The following FAM167A variants were observed in gnomAD, a reference collection of about 807,000 sequenced individuals.
FAM167A encodes the protein protein FAM167A.
Under a neutral mutation model 14.9 loss-of-function variants are expected in FAM167A, and 23 were observed. The observed-to-expected ratio is 1.55, with a 90% confidence interval of 1.11 to 2.19. FAM167A has a LOEUF of 2.19. Among genes scored for constraint, FAM167A ranks in the 30% most tolerant of loss-of-function variants. The pLI is 0.00. For missense variants in FAM167A, 401 were observed against 281.5 expected (o/e 1.42, Z -3.04); for synonymous variants, 174 against 117.7 (o/e 1.48, Z -3.10).
intron 1 of FAM167A, among the ~76,000 whole-genome samples, chr8:11,451,355 A>G (rs1210428740): frequency 6.6e-6 from 1 of 152,144 alleles, no homozygotes; most frequent in African/African-American, 2.4e-5. Flanking sequence ...CCCAGGTTAC[A>G]CAGCGTATAC....
intron 2 of FAM167A, among the ~76,000 whole-genome samples, chr8:11,427,340 A>G (rs1197870463): frequency 1.3e-5 from 2 of 152,244 alleles, no homozygotes; most frequent in East Asian, 3.8e-4. Flanking sequence ...GGCTTAGTGC[A>G]GAGCGCCTTC....
upstream of FAM167A, among the ~76,000 whole-genome samples, chr8:11,469,356 G>T (rs985537016): frequency 6.6e-6 from 1 of 152,210 alleles, no homozygotes; most frequent in Admixed American, 6.5e-5. Context: ...AGGGAAGATG[G>T]CACTGTGTTG....
chr8:11,463,772 G>A (rs574295300), intron 1 of FAM167A, among the ~76,000 whole-genome samples: 1 of 152,332 alleles, frequency 6.6e-6, no homozygotes, highest in African/African-American at 2.4e-5. Flanking sequence ...AGTGGGAGAA[G>A]GTGAACCCTC....
chr8:11,457,419 T>A (rs1807378629), intron 1 of FAM167A, among the ~76,000 whole-genome samples: 1 of 151,830 alleles, frequency 6.6e-6, no homozygotes, highest in South Asian at 2.1e-4. Context: ...TTGAACCTCA[T>A]CTCCACGCAA....
At chr8:11,443,595 C>G (rs966896108) in intron 2 of FAM167A, 1 of 178,778 alleles carries the variant, frequency 5.6e-6, no homozygotes, top group Non-Finnish European at 1.2e-5. Flanking sequence ...CCGGCCAGCG[C>G]CCAGCACAAG....
chr8:11,458,786 A>G (rs1012262500), intron 1 of FAM167A, among the ~76,000 whole-genome samples: 10 of 143,732 alleles, frequency 7.0e-5, no homozygotes, highest in South Asian at 2.1e-4. Context: ...GAACTAAGGG[A>G]AAAAAAAAAC....
chr8:11,451,773 G>A (rs1003084688), intron 1 of FAM167A, among the ~76,000 whole-genome samples: 2 of 152,202 alleles, frequency 1.3e-5, no homozygotes, highest in Non-Finnish European at 1.5e-5. Context: ...AGGCAAATGT[G>A]AAGTGCAGGG....
intron 1 of FAM167A, among the ~76,000 whole-genome samples, chr8:11,456,393 G>GAGTGTGAA (rs74208900): frequency 9.0e-3 from 7 of 782 alleles, no homozygotes; most frequent in Non-Finnish European, 5.3e-3. Context: ...CCTGGTGTGT[G>GAGTGTGAA]TGTGAGTGTG....
chr8:11,459,352 C>A (rs556691379), intron 1 of FAM167A, among the ~76,000 whole-genome samples: 5 of 152,328 alleles, frequency 3.3e-5, no homozygotes, highest in African/African-American at 1.2e-4. Context: ...CAGGTGGCTC[C>A]ATTTGCACAG....
At chr8:11,467,392 C>G (rs1807816684), upstream of FAM167A, 1 of 152,732 alleles carries the variant, frequency 6.5e-6, no homozygotes, top group East Asian at 1.9e-4. Flanking sequence ...CCCTAAGGCA[C>G]AGGCAGGACA....
At chr8:11,440,252 C>CG (rs568468710) in intron 2 of FAM167A, among the ~76,000 whole-genome samples, 1 of 152,198 alleles carries the variant, frequency 6.6e-6, no homozygotes, top group Non-Finnish European at 1.5e-5. Flanking sequence ...AGCTCCGCCC[C>CG]GGGGAGCCCA....
intron 2 of FAM167A, among the ~76,000 whole-genome samples, chr8:11,436,339 G>C (rs1806012396): frequency 6.6e-6 from 1 of 152,352 alleles, no homozygotes; most frequent in African/African-American, 2.4e-5. Context: ...TGGAGAGCAA[G>C]TGGGGGCCCT....
At chr8:11,434,722 T>C (rs1002349625) in intron 2 of FAM167A, 2 of 242,520 alleles carry the variant, frequency 8.2e-6, no homozygotes, top group African/African-American at 4.5e-5. Flanking sequence ...CACTAGGGGC[T>C]CTGGGTTCCA....
intron 1 of FAM167A, among the ~76,000 whole-genome samples, chr8:11,465,968 G>C (rs1326001503): frequency 6.6e-6 from 1 of 152,030 alleles, no homozygotes; most frequent in Non-Finnish European, 1.5e-5. Flanking sequence ...GCAGTAACGG[G>C]TGTGCAGAAA....
rs1804895661 is a variant in FAM167A at position 11,423,372 on chromosome 8, G to A, written c.*1001C>T. On this transcript the variant is annotated 3_prime_UTR_variant, in exon 3 of 3. Coordinates refer to ENST00000284486, the MANE Select transcript of FAM167A (RefSeq NM_053279.3). ...TTGGACAAAAATCAGTTACTAACAA[G>A]TGAACAACACATCAGTAACAGTCTT... 1 of 152,624 alleles carries A rather than the reference G, an allele frequency of 6.6e-6. No individual in the cohort carries two copies. Among genetic ancestry groups the A allele is most frequent in the South Asian group, 2.1e-4 (1 of 4,836 alleles). 9.5% of individuals were successfully genotyped at this position (152,624 alleles called of 1,614,324 possible).
chr8:11,447,856 A>G (rs4581006), intron 1 of FAM167A, among the ~76,000 whole-genome samples: 101,096 of 152,132 alleles, frequency 0.66, 33,767 homozygotes, highest in African/African-American at 0.72. Flanking sequence ...TACATAATTC[A>G]CAAGGCTCAG....
At chr8:11,435,916 C>T (rs960683657) in intron 2 of FAM167A, among the ~76,000 whole-genome samples, 4 of 152,256 alleles carry the variant, frequency 2.6e-5, no homozygotes, top group Non-Finnish European at 4.4e-5. Flanking sequence ...CATATCCCGT[C>T]TTCATACACA....
chr8:11,465,801 A>T lies in FAM167A; in HGVS notation c.-398+825T>A, dbSNP rs967816829. On this transcript the variant is annotated intron_variant, in intron 1 of 2. Coordinates refer to ENST00000284486, the MANE Select transcript of FAM167A (RefSeq NM_053279.3). ...TCTCATCTTCTGGGATTCTCCAGCA[A>T]TGACGGGGAGTTTGTGGAAACTTGA... Among the ~76,000 whole-genome samples, 8 of 152,202 alleles carry T rather than the reference A, an allele frequency of 5.3e-5. No individual in the cohort carries two copies. In the East Asian group the frequency reaches 1.5e-3, roughly 29 times the overall value.
chr8:11,442,808 G>A (rs1041748998), intron 2 of FAM167A, among the ~76,000 whole-genome samples: 5 of 152,014 alleles, frequency 3.3e-5, no homozygotes, highest in Non-Finnish European at 5.9e-5. Context: ...TACTAAAGAC[G>A]GATATAATAG....
Sources: allele counts gnomAD v4.1 joint callset (sites outside exome capture counted in the v4.1 genomes callset), GRCh38; gene constraint gnomAD v4.1.1; transcripts MANE v1.5; gene names NCBI Gene and HGNC (gene_info 2026-07-23, HGNC 2026-07-21).